Variants in USP34 observed in about 807,000 individuals in gnomAD.
USP34 encodes the protein ubiquitin carboxyl-terminal hydrolase 34.
In USP34, 70 loss-of-function variants were observed where a neutral mutation model predicts 460.3. The ratio of observed to expected loss-of-function variants is 0.15; its 90% CI spans 0.13 to 0.19. The LOEUF (loss-of-function observed/expected upper bound fraction) is 0.19, where lower values mean the gene tolerates loss of function less well. Ranked by LOEUF, USP34 falls within the 10% of genes least tolerant of loss-of-function variation. USP34 has a pLI of 1.00. For synonymous variants in USP34, 1,647 were observed against 1,405.3 expected (o/e 1.17, Z -3.85); for missense variants, 3,985 against 4,236.2 (o/e 0.94, Z 1.65).
chr2:61,293,298 C>T (rs1057301726), intron 33 of USP34, among the ~76,000 whole-genome samples, 166 bp downstream of exon 33: 2 of 151,986 alleles, frequency 1.3e-5, no homozygotes, highest in Non-Finnish European at 2.9e-5. Flanking sequence ...ATGAAAAACA[C>T]TTATTCCTAA....
At chr2:61,309,416 T>C (rs1558522643) in intron 27 of USP34, among the ~76,000 whole-genome samples, 1 of 152,172 alleles carries the variant, frequency 6.6e-6, no homozygotes, top group Non-Finnish European at 1.5e-5. Context: ...TGATAAAAGA[T>C]ATCACACAAT....
intron 69 of USP34, among the ~76,000 whole-genome samples, chr2:61,210,682 C>T (rs1380139980): frequency 6.6e-6 from 1 of 152,076 alleles, no homozygotes; most frequent in East Asian, 1.9e-4. Flanking sequence ...TACTTTATTC[C>T]TTTCCTTTTT....
intron 32 of USP34, among the ~76,000 whole-genome samples, chr2:61,294,628 C>A (rs1237485666): frequency 6.6e-6 from 1 of 152,060 alleles, no homozygotes; most frequent in Non-Finnish European, 1.5e-5. Flanking sequence ...ACCATGTTGG[C>A]CAGGCTGATC....
chr2:61,459,220 T>G (rs1246845810), intron 1 of USP34, among the ~76,000 whole-genome samples: 1 of 152,136 alleles, frequency 6.6e-6, no homozygotes, highest in Non-Finnish European at 1.5e-5. Context: ...GCTTGGTTAG[T>G]GAAAAGTACA....
In USP34 at chr2:61,236,209, A is replaced by C; in HGVS notation, c.6870T>G (p.Ile2290Met). The part of the protein sequence containing the change: ...FGFMWQLCSC[I>M]PSTLPDPKAV... ...CTTTAGGATCTGGTAATGTACTGGG[A>C]ATACAACTACACAATTGCCACATAA... Residue 2290 changes from isoleucine (I) to methionine (M), a missense_variant, in exon 55 of 80, where the codon ATT (isoleucine) becomes ATG (methionine). This residue lies in a region of USP34 where 604 missense variants were observed against 684.8 expected (regional missense o/e 0.88). Coordinates refer to ENST00000398571, the MANE Select transcript of USP34 (RefSeq NM_014709.4). The C allele has an allele frequency of 1.1e-5, 17 of 1,612,124 alleles. No individual in the cohort carries two copies. The highest frequency in any genetic ancestry group is 1.4e-5 in the Non-Finnish European group (17 of 1,179,244).
chr2:61,293,395 C>G, intron 33 of USP34, 69 bp downstream of exon 33: 1 of 1,196,034 alleles, frequency 8.4e-7, no homozygotes, highest in Non-Finnish European at 1.2e-6. Flanking sequence ...GCTATACTTG[C>G]TGATGAAATG....
intron 5 of USP34, among the ~76,000 whole-genome samples, chr2:61,393,426 G>A (rs1405746870): frequency 2.0e-5 from 2 of 102,064 alleles, no homozygotes; most frequent in East Asian, 3.2e-4. Flanking sequence ...GCCAGACTCC[G>A]TCTAAAAAAA....
chr2:61,222,996 C>T, intron 64 of USP34, 64 bp downstream of exon 64: 1 of 1,420,366 alleles, frequency 7.0e-7, no homozygotes, highest in South Asian at 1.3e-5. Context: ...CGCACTCGGC[C>T]AGATTTCAGG....
intron 76 of USP34, among the ~76,000 whole-genome samples, chr2:61,192,689 C>T (rs1686677921): frequency 6.6e-6 from 1 of 152,168 alleles, no homozygotes; most frequent in South Asian, 2.1e-4. Context: ...AAAATATCCT[C>T]TATGATAGAA....
At chr2:61,400,535 A>G (rs1251334261) in intron 3 of USP34, among the ~76,000 whole-genome samples, 1 of 152,178 alleles carries the variant, frequency 6.6e-6, no homozygotes, top group Non-Finnish European at 1.5e-5. Context: ...TGATAATTGT[A>G]CAACGTTGGT....
At chr2:61,231,874 T>C (rs954310511) in intron 58 of USP34, among the ~76,000 whole-genome samples, 1 of 149,128 alleles carries the variant, frequency 6.7e-6, no homozygotes, top group African/African-American at 2.4e-5. Context: ...AAATATGATA[T>C]ATAACATATA....
intron 27 of USP34, among the ~76,000 whole-genome samples, chr2:61,305,121 C>A (rs923286205): frequency 6.6e-6 from 1 of 152,144 alleles, no homozygotes; most frequent in Admixed American, 6.5e-5. Context: ...GTCAGGAGCT[C>A]GAGACCAGCC....
At chr2:61,232,742 T>C (rs370339130) in intron 57 of USP34, among the ~76,000 whole-genome samples, 2 of 152,052 alleles carry the variant, frequency 1.3e-5, no homozygotes, top group African/African-American at 2.4e-5. Context: ...ATTTACATTA[T>C]AGTACACAAT....
intron 20 of USP34, among the ~76,000 whole-genome samples, chr2:61,327,905 G>A (rs1429151449): frequency 6.6e-6 from 1 of 152,172 alleles, no homozygotes. Context: ...TGAAACTTTA[G>A]TAACAGATTA....
At chr2:61,281,468 CG>C (rs1024833129) in intron 37 of USP34, among the ~76,000 whole-genome samples, 6 of 152,092 alleles carry the variant, frequency 3.9e-5, no homozygotes, top group African/African-American at 1.4e-4. Flanking sequence ...AAAAATTAAC[CG>C]GGTGTGGTGA....
rs538565052 is a variant in USP34 at position 61,449,789 on chromosome 2, CCGGCGCGGTGGCTCACGCCTGTAAT to C, written c.43+20836_43+20860del. Reference sequence around the variant, plus strand: ...ATGCAAAAGAATGAAGTTGTATCAGCCGGCGCGGTGGCTCACGCCTGTAATCCCAGCACTTTGGGAGGCTGAGGTG... The same window carrying C: ...ATGCAAAAGAATGAAGTTGTATCAGCCCCAGCACTTTGGGAGGCTGAGGTG... On this transcript the variant is annotated intron_variant, in intron 1 of 79. Coordinates refer to ENST00000398571, the MANE Select transcript of USP34 (RefSeq NM_014709.4). 8.3e-3 allele frequency among the ~76,000 whole-genome samples: 1,262 copies of C among 152,252 alleles called. 18 individuals carry two copies. The highest frequency in any genetic ancestry group is 9.9e-3 in the Non-Finnish European group (672 of 68,022).
chr2:61,252,029 G>A (rs888107435), intron 48 of USP34, among the ~76,000 whole-genome samples: 2 of 150,850 alleles, frequency 1.3e-5, no homozygotes, highest in Non-Finnish European at 3.0e-5. Flanking sequence ...TTCCTATGTC[G>A]AGATAAGAAA....
intron 41 of USP34, among the ~76,000 whole-genome samples, chr2:61,267,652 C>T (rs536019521): frequency 3.3e-5 from 5 of 151,980 alleles, no homozygotes; most frequent in East Asian, 1.9e-4. Flanking sequence ...CTTGCTCTGT[C>T]GCCCAGGCTG....
chr2:61,447,076 G>A (rs953531600), intron 1 of USP34, among the ~76,000 whole-genome samples: 2 of 151,802 alleles, frequency 1.3e-5, no homozygotes, highest in Non-Finnish European at 2.9e-5. Context: ...CTAACATGGT[G>A]AAACACTGTC....
Sources: allele counts gnomAD v4.1 joint callset (sites outside exome capture counted in the v4.1 genomes callset), GRCh38; gene constraint gnomAD v4.1.1; regional missense constraint gnomAD v4.1.1; transcripts MANE v1.5; gene names NCBI Gene and HGNC (gene_info 2026-07-23, HGNC 2026-07-21).